The following C4orf36 variants were observed in gnomAD, a reference collection of about 807,000 sequenced individuals.
The protein encoded by C4orf36 is chromosome 4 open reading frame 36, also known as uncharacterized protein C4orf36.
A neutral mutation model predicts 12.2 loss-of-function variants in C4orf36; 11 were observed. That is an observed-to-expected ratio of 0.90 (90% CI 0.57 to 1.49). The LOEUF (loss-of-function observed/expected upper bound fraction) is 1.49, where lower values mean the gene tolerates loss of function less well. Among genes scored for constraint, C4orf36 ranks in the 40% most tolerant of loss-of-function variants. The pLI is 0.00. For synonymous variants in C4orf36, 54 were observed against 51.3 expected (o/e 1.05, Z -0.22); for missense variants, 137 against 133.9 (o/e 1.02, Z -0.11).
chr4:86,887,682 T>A (rs1434974965), intron 4 of C4orf36, 76 bp downstream of exon 4: 1 of 1,574,992 alleles, frequency 6.3e-7, no homozygotes, highest in African/African-American at 1.4e-5. Flanking sequence ...CCCTGAACTA[T>A]ACATAGTGAA....
chr4:86,887,748 A>C lies in C4orf36; in HGVS notation c.*2+10T>G, dbSNP rs747467338. ...CAAGACACAGAGTACAGATTCAATCATGAACTGACTGTCATTTAGATGGAA... is the reference window on the plus strand; with the variant it reads ...CAAGACACAGAGTACAGATTCAATCCTGAACTGACTGTCATTTAGATGGAA... On this transcript the variant is annotated intron_variant, in intron 4 of 4. Transcript: ENST00000295898. 24 of 1,614,034 alleles carry C rather than the reference A, an allele frequency of 1.5e-5. No homozygotes were observed. Among genetic ancestry groups the C allele is most frequent in the East Asian group, 2.2e-5 (1 of 44,894 alleles).
chr4:86,885,210 A>C (rs930377583), intron 4 of C4orf36, among the ~76,000 whole-genome samples: 3 of 152,120 alleles, frequency 2.0e-5, no homozygotes, highest in African/African-American at 7.2e-5. Context: ...TGAACTTTGA[A>C]GTAGTTTTTT....
At chr4:86,922,662 T>C in the C4orf36 span, among the ~76,000 whole-genome samples, 12 of 152,166 alleles carry the variant, frequency 7.9e-5, no homozygotes, top group Non-Finnish European at 1.3e-4. Context: ...GGAGTTCCAT[T>C]GGCACTCACT....
chr4:86,885,285 G>T (rs1041665478), intron 4 of C4orf36, among the ~76,000 whole-genome samples: 1 of 152,016 alleles, frequency 6.6e-6, no homozygotes, highest in African/African-American at 2.4e-5. Flanking sequence ...AAATTACCTT[G>T]GGCAGTATGG....
intron 4 of C4orf36, among the ~76,000 whole-genome samples, chr4:86,885,090 G>T (rs968526246): frequency 1.3e-5 from 2 of 152,104 alleles, no homozygotes; most frequent in South Asian, 2.1e-4. Flanking sequence ...ATGCTGTTTT[G>T]GTTACTGTAG....
At chr4:86,905,092 G>A in the C4orf36 span, among the ~76,000 whole-genome samples, 1 of 151,968 alleles carries the variant, frequency 6.6e-6, no homozygotes, top group African/African-American at 2.4e-5. Context: ...TTAAAATTAG[G>A]CTGGGCACAG....
Position 86,887,808 on chromosome 4 carries a change from G to A in C4orf36, c.306C>T (p.Leu102=). Residue 102 remains leucine, a synonymous_variant, in exon 4 of 5, where the codon CTC becomes CTT. Transcript: ENST00000295898. ...QENTSKEIQL[L]LRERPAGLRR... is the part of the protein sequence containing the mutation. ...TCAAACCGGCTGGCCTTTCCCTCAG[G>A]AGAAGCTGAATTTCCTTAGATGTAT... 1.2e-6 allele frequency: 2 copies of A among 1,614,198 alleles called. No homozygotes were observed. The highest frequency in any genetic ancestry group is 1.7e-6 in the Non-Finnish European group (2 of 1,180,044).
the C4orf36 span, among the ~76,000 whole-genome samples, chr4:86,909,893 T>TAAAAAAA: frequency 2.7e-4 from 20 of 73,288 alleles, no homozygotes; most frequent in South Asian, 4.8e-4. Flanking sequence ...GAGGAAGACT[T>TAAAAAAA]AAAAAAAAAA....
At chr4:86,904,187 C>T in the C4orf36 span, among the ~76,000 whole-genome samples, 9 of 152,248 alleles carry the variant, frequency 5.9e-5, no homozygotes, top group Non-Finnish European at 1.2e-4. Context: ...CCAGCAGGAA[C>T]CGGCCGCCGC....
chr4:86,917,076 G>A, the C4orf36 span, among the ~76,000 whole-genome samples: 1 of 152,062 alleles, frequency 6.6e-6, no homozygotes, highest in Admixed American at 6.6e-5. Context: ...CCAGGAGTTC[G>A]AGACCAGCCT....
chr4:86,929,681 G>A, the C4orf36 span, among the ~76,000 whole-genome samples: 2 of 152,166 alleles, frequency 1.3e-5, no homozygotes, highest in Admixed American at 6.5e-5. Flanking sequence ...TGAGAACAAG[G>A]TTATTCTCTT....
chr4:86,892,028 C>G, intron 1 of C4orf36, 155 bp downstream of exon 1: 1 of 986,262 alleles, frequency 1.0e-6, no homozygotes, highest in Non-Finnish European at 1.2e-6. Context: ...CCCGCGTCCC[C>G]GCCCTTGCAC....
chr4:86,901,892 A>G, the C4orf36 span, among the ~76,000 whole-genome samples: 24 of 152,308 alleles, frequency 1.6e-4, no homozygotes, highest in Non-Finnish European at 3.2e-4. Context: ...ATACATGTGA[A>G]TGTGACCTTG....
the C4orf36 span, among the ~76,000 whole-genome samples, chr4:86,905,662 C>T: frequency 6.6e-6 from 1 of 151,390 alleles, no homozygotes; most frequent in African/African-American, 2.4e-5. Context: ...ACCACAGTCC[C>T]CATTATCCAG....
At chr4:86,883,807 C>A (rs1375150633) in intron 4 of C4orf36, among the ~76,000 whole-genome samples, 1 of 152,132 alleles carries the variant, frequency 6.6e-6, no homozygotes. Context: ...ATGGGCAGAT[C>A]ACTTGAGGTC....
chr4:86,919,115 T>C, the C4orf36 span, among the ~76,000 whole-genome samples: 1 of 104,910 alleles, frequency 9.5e-6, no homozygotes. Flanking sequence ...GTATCCCAGC[T>C]CCAGGAGAGA....
At chr4:86,934,043 TAA>T in the C4orf36 span, among the ~76,000 whole-genome samples, 1 of 152,128 alleles carries the variant, frequency 6.6e-6, no homozygotes, top group African/African-American at 2.4e-5. Flanking sequence ...CAAACAAAAT[TAA>T]AAAGAGAAAA....
At chr4:86,888,356 A>C in intron 2 of C4orf36, 81 bp from the exon 3 acceptor site, 3 of 1,385,850 alleles carry the variant, frequency 2.2e-6, no homozygotes, top group Non-Finnish European at 3.0e-6. Flanking sequence ...ATTAATTCTC[A>C]GTTCCATTTG....
intron 2 of C4orf36, 106 bp downstream of exon 2, chr4:86,891,350 C>T: frequency 1.0e-6 from 1 of 988,112 alleles, no homozygotes; most frequent in Non-Finnish European, 1.5e-6. Flanking sequence ...TCACATAGCC[C>T]AGTATCTCAT....
Sources: gnomAD v4.1 joint callset for allele counts (sites outside exome capture counted in the v4.1 genomes callset) on GRCh38, gnomAD v4.1.1 for gene constraint, MANE v1.5 for transcripts, NCBI Gene and HGNC (gene_info 2026-07-23, HGNC 2026-07-21) for gene names.